The following TPTE variants were observed in gnomAD, a reference collection of about 807,000 sequenced individuals.
TPTE encodes the protein transmembrane phosphatase with tensin homology.
In TPTE, 59 loss-of-function variants were observed where a neutral mutation model predicts 84.1. The observed-to-expected ratio is 0.70, with a 90% confidence interval of 0.57 to 0.87. The LOEUF is 0.87. Ranked by LOEUF, TPTE falls within the 40% of genes least tolerant of loss-of-function variation. The pLI, the probability that TPTE is intolerant of heterozygous loss-of-function variation, is 0.00. For synonymous variants in TPTE, 130 were observed against 223.5 expected (o/e 0.58, Z 3.73); for missense variants, 382 against 659.6 (o/e 0.58, Z 4.61).
At chr21:10,568,577 C>T (rs1319836932) in intron 11 of TPTE, among the ~76,000 whole-genome samples, 2 of 152,308 alleles carry the variant, frequency 1.3e-5, no homozygotes, top group Non-Finnish European at 1.5e-5. Context: ...CTTTTTGTAC[C>T]CTAGCTTCCC....
At chr21:10,531,473 CA>C (rs1162698830) in intron 3 of TPTE, among the ~76,000 whole-genome samples, 2 of 152,308 alleles carry the variant, frequency 1.3e-5, no homozygotes, top group East Asian at 3.8e-4. Context: ...GCTTCTTGTG[CA>C]GCACACAACT....
chr21:10,546,625 A>G (rs2074472991), intron 7 of TPTE, among the ~76,000 whole-genome samples: 1 of 152,310 alleles, frequency 6.6e-6, no homozygotes, highest in Non-Finnish European at 1.5e-5. Flanking sequence ...TACTCCAGTG[A>G]ACATACAAAT....
intron 4 of TPTE, 54 bp downstream of exon 4, chr21:10,538,788 G>A (rs1443470922): frequency 6.2e-7 from 1 of 1,613,900 alleles, no homozygotes; most frequent in African/African-American, 1.3e-5. Flanking sequence ...GAGCATAGAA[G>A]TATTCACAGA....
chr21:10,523,095 A>G (rs1600843869), intron 1 of TPTE, among the ~76,000 whole-genome samples: 1 of 152,424 alleles, frequency 6.6e-6, no homozygotes, highest in Non-Finnish European at 1.5e-5. Flanking sequence ...ATTCTCTGTA[A>G]CCCACAAAGG....
chr21:10,531,155 C>T (rs1240651033), intron 3 of TPTE, among the ~76,000 whole-genome samples: 1 of 152,306 alleles, frequency 6.6e-6, no homozygotes, highest in Non-Finnish European at 1.5e-5. Context: ...TTTTTAGTAA[C>T]ATTAAAAACA....
intron 1 of TPTE, among the ~76,000 whole-genome samples, chr21:10,523,971 CTT>C (rs1300249177): frequency 6.6e-6 from 1 of 152,304 alleles, no homozygotes; most frequent in African/African-American, 2.4e-5. Context: ...TGTTTCCTGA[CTT>C]TTTAATGATT....
intron 23 of TPTE, among the ~76,000 whole-genome samples, chr21:10,604,497 T>C (rs1197557557): frequency 1.3e-5 from 2 of 152,310 alleles, no homozygotes; most frequent in Non-Finnish European, 2.9e-5. Flanking sequence ...GAATGATTCC[T>C]TAAGTCCAGC....
At chr21:10,575,472 A>AG (rs2075131423) in intron 14 of TPTE, among the ~76,000 whole-genome samples, 1 of 152,310 alleles carries the variant, frequency 6.6e-6, no homozygotes, top group Non-Finnish European at 1.5e-5. Context: ...TGGAGGAGGA[A>AG]GGATCCCCCA....
chr21:10,583,719 T>G (rs1194675659), intron 17 of TPTE, among the ~76,000 whole-genome samples: 2 of 152,430 alleles, frequency 1.3e-5, no homozygotes, highest in African/African-American at 2.4e-5. Context: ...AAAATTGATC[T>G]ATGTGTGTGG....
intron 10 of TPTE, among the ~76,000 whole-genome samples, chr21:10,563,574 T>C (rs1213841213): frequency 6.6e-6 from 1 of 152,308 alleles, no homozygotes; most frequent in Admixed American, 6.5e-5. Flanking sequence ...TATTATAAGA[T>C]TAAAATAATG....
chr21:10,554,200 T>C (rs1361781005), intron 8 of TPTE, among the ~76,000 whole-genome samples: 1 of 152,308 alleles, frequency 6.6e-6, no homozygotes, highest in Non-Finnish European at 1.5e-5. Context: ...TTGTGTGATA[T>C]TTCATGGTGT....
At chr21:10,570,038 T>A (rs1434624973) in intron 13 of TPTE, among the ~76,000 whole-genome samples, 3 of 152,304 alleles carry the variant, frequency 2.0e-5, no homozygotes, top group Admixed American at 6.5e-5. Context: ...GTCCCAGGGA[T>A]CCCATGGAGA....
chr21:10,562,541 C>A (rs2074830409), intron 10 of TPTE, among the ~76,000 whole-genome samples: 1 of 152,310 alleles, frequency 6.6e-6, no homozygotes, highest in Non-Finnish European at 1.5e-5. Context: ...ATTCATAATT[C>A]TATTAGATAA....
chr21:10,600,725 G>A (rs1164265130), intron 21 of TPTE, among the ~76,000 whole-genome samples: 5 of 152,296 alleles, frequency 3.3e-5, no homozygotes, highest in Admixed American at 3.3e-4. Context: ...ACCCCCTTTT[G>A]TGTTTTTCAC....
chr21:10,556,521 A>G (rs1423140333), intron 8 of TPTE, among the ~76,000 whole-genome samples: 2 of 152,428 alleles, frequency 1.3e-5, no homozygotes, highest in East Asian at 3.8e-4. Context: ...ATGTGTCTTT[A>G]TAGCAGCATG....
intron 7 of TPTE, among the ~76,000 whole-genome samples, chr21:10,544,578 G>A (rs964193885): frequency 6.6e-6 from 1 of 152,302 alleles, no homozygotes; most frequent in East Asian, 1.9e-4. Flanking sequence ...TAGGGGCGGG[G>A]TTTCACTATA....
At chr21:10,577,749 G>A (rs2075187507) in intron 15 of TPTE, among the ~76,000 whole-genome samples, 1 of 152,306 alleles carries the variant, frequency 6.6e-6, no homozygotes, top group South Asian at 2.1e-4. Flanking sequence ...TGAAGCTGGA[G>A]TGGAAGAAAA....
chr21:10,531,360 C>A (rs469948), intron 3 of TPTE, among the ~76,000 whole-genome samples: 3 of 152,078 alleles, frequency 2.0e-5, no homozygotes, highest in Admixed American at 6.6e-5. Context: ...AGCGGCTTCC[C>A]GCACCTTGAT....
At chr21:10,561,970 G>A (rs2074814424) in intron 10 of TPTE, among the ~76,000 whole-genome samples, 1 of 152,308 alleles carries the variant, frequency 6.6e-6, no homozygotes, top group Non-Finnish European at 1.5e-5. Flanking sequence ...ACCCAATGCA[G>A]TCACAGTAGT....
Sources: allele counts gnomAD v4.1 joint callset (sites outside exome capture counted in the v4.1 genomes callset), GRCh38; gene constraint gnomAD v4.1.1; transcripts MANE v1.5; gene names NCBI Gene and HGNC (gene_info 2026-07-23, HGNC 2026-07-21).